The following RUFY2 variants were observed in gnomAD, a reference collection of about 807,000 sequenced individuals.
The protein encoded by RUFY2 is RUN and FYVE domain containing 2, also known as RUN and FYVE domain-containing protein 2.
In RUFY2, 49 loss-of-function variants were observed where a neutral mutation model predicts 94.4. The observed-to-expected ratio is 0.52, with a 90% confidence interval of 0.41 to 0.66. RUFY2 has a LOEUF of 0.66. Ranked by LOEUF, RUFY2 falls within the 30% of genes least tolerant of loss-of-function variation. RUFY2 has a pLI of 0.00. For missense variants in RUFY2, 541 were observed against 692.8 expected (o/e 0.78, Z 2.46); for synonymous variants, 255 against 235.7 (o/e 1.08, Z -0.75).
chr10:68,378,026 A>G (rs1346302132), intron 12 of RUFY2: 6 of 985,328 alleles, frequency 6.1e-6, no homozygotes, highest in Non-Finnish European at 7.2e-6. Flanking sequence ...TACAAAAAGG[A>G]AAATAGAAGT....
chr10:68,348,439 C>T (rs534538267), intron 16 of RUFY2, among the ~76,000 whole-genome samples: 65 of 151,668 alleles, frequency 4.3e-4, no homozygotes, highest in African/African-American at 1.4e-3. Flanking sequence ...ATTGCTTAAA[C>T]CCATATGTTC....
At chr10:68,371,449 G>A (rs2048273094) in intron 13 of RUFY2, among the ~76,000 whole-genome samples, 1 of 151,742 alleles carries the variant, frequency 6.6e-6, no homozygotes, top group Non-Finnish European at 1.5e-5. Flanking sequence ...AAAATTAGCT[G>A]GGCATGATGG....
rs950364166 is a variant in RUFY2 at position 68,345,551 on chromosome 10, A to ATG, written c.*215_*216dup. 12 of 490,194 alleles carry ATG rather than the reference A, an allele frequency of 2.4e-5. No homozygotes were observed. Among genetic ancestry groups the ATG allele is most frequent in the African/African-American group, 2.4e-4 (12 of 50,190 alleles). The allele number at this position is 490,194 out of a possible 1,614,324, so 30.4% of individuals were successfully genotyped here. A position where few individuals can be genotyped will look rare whatever the true frequency, so the allele number is the denominator to read the frequency against. On this transcript the variant is annotated 3_prime_UTR_variant, in exon 18 of 18. Coordinates refer to ENST00000602465, the MANE Select transcript of RUFY2 (RefSeq NM_001330103.2). ...GCTCTCTGGCCTTTTAATGAGTTAC[A>ATG]TGATTTTTAAGCATGCTCTGTTGAA...
At chr10:68,376,052 A>G (rs1194132217) in intron 13 of RUFY2, among the ~76,000 whole-genome samples, 1 of 145,764 alleles carries the variant, frequency 6.9e-6, no homozygotes, top group Non-Finnish European at 1.5e-5. Context: ...GTGAGCCACC[A>G]AGGTCGTGCC....
At chr10:68,357,578 G>GAAAATTTTTTCTTTAAAAAAAAAATTTCT (rs2047152451) in intron 15 of RUFY2, among the ~76,000 whole-genome samples, 1 of 151,944 alleles carries the variant, frequency 6.6e-6, no homozygotes, top group Non-Finnish European at 1.5e-5. Context: ...AAGAAAATGT[G>GAAAATTTTTTCTTTAAAAAAAAAATTTCT]TTAATGAAAA....
chr10:68,353,575 G>A (rs1191816061), intron 16 of RUFY2, among the ~76,000 whole-genome samples: 3 of 151,844 alleles, frequency 2.0e-5, no homozygotes, highest in Non-Finnish European at 4.4e-5. Context: ...CAAGACTGGA[G>A]GACTGCCCGA....
At chr10:68,374,970 G>A (rs1229208264) in intron 13 of RUFY2, among the ~76,000 whole-genome samples, 1 of 151,960 alleles carries the variant, frequency 6.6e-6, no homozygotes, top group African/African-American at 2.4e-5. Context: ...TGCATGCATG[G>A]TTTTAATTTT....
intron 16 of RUFY2, among the ~76,000 whole-genome samples, chr10:68,349,349 A>G (rs1296455439): frequency 1.3e-5 from 2 of 151,826 alleles, no homozygotes; most frequent in African/African-American, 2.4e-5. Context: ...GGCCCCCACC[A>G]TCTCTAAAAA....
chr10:68,381,112 C>CA (rs2049029469), intron 11 of RUFY2, 120 bp downstream of exon 11: 2 of 570,284 alleles, frequency 3.5e-6, no homozygotes, highest in Non-Finnish European at 5.7e-6. Context: ...AAAAAAAAGA[C>CA]ATTGGCCTTT....
rs781478997 is a variant in RUFY2, at chr10:68,376,959, C to T, written c.1219G>A (p.Glu407Lys). 6.2e-7 allele frequency: 1 copy of T among 1,613,572 alleles called. No individual in the cohort carries two copies. Among genetic ancestry groups the T allele is most frequent in the African/African-American group, 1.3e-5 (1 of 74,970 alleles). ...RQLEQRLQQA[E>K]KAQMEAEDED... is the part of the protein sequence containing the mutation. Reference sequence around the variant, plus strand: ...TCTTCAGCTTCCATTTGCGCCTTCTCTGCTTGCTGCAATCTGGTGTAATTC... The same window carrying T: ...TCTTCAGCTTCCATTTGCGCCTTCTTTGCTTGCTGCAATCTGGTGTAATTC... The change falls in exon 13 of 18, where the codon GAG (glutamate) becomes AAG (lysine). Residue 407 changes from glutamate to lysine, a missense_variant. Physicochemically the swap from Glu to Lys is moderately conservative, Grantham distance 56. Around this residue, in one of 3 missense-constraint regions of RUFY2, gnomAD observed 403 missense variants for 480.7 expected, o/e 0.84. Coordinates refer to ENST00000602465, the MANE Select transcript of RUFY2 (RefSeq NM_001330103.2).
Position 68,345,553 on chromosome 10 carries a change from G to A in RUFY2, c.*215C>T, listed in dbSNP as rs2046219584. ...TCTCTGGCCTTTTAATGAGTTACAT[G>A]ATTTTTAAGCATGCTCTGTTGAAAA... On this transcript the variant is annotated 3_prime_UTR_variant, in exon 18 of 18. Transcript: ENST00000602465. 4.1e-6 allele frequency: 2 copies of A among 489,836 alleles called. No homozygotes were observed. Among genetic ancestry groups the A allele is most frequent in the Non-Finnish European group, 7.1e-6 (2 of 281,290 alleles). The allele number at this position is 489,836 out of a possible 1,614,324, so 30.3% of individuals were successfully genotyped here.
chr10:68,370,836 T>TA (rs199870180), intron 13 of RUFY2, among the ~76,000 whole-genome samples: 34 of 146,208 alleles, frequency 2.3e-4, no homozygotes, highest in African/African-American at 2.2e-4. Context: ...GTGGGACTAC[T>TA]AAAAAAAAAA....
intron 15 of RUFY2, among the ~76,000 whole-genome samples, chr10:68,360,342 T>C (rs541869589): frequency 1.3e-5 from 2 of 152,022 alleles, no homozygotes; most frequent in Admixed American, 6.6e-5. Flanking sequence ...ACACCTGTAA[T>C]GTCAATATTT....
rs935991531 is a variant in RUFY2, at chr10:68,347,109, G to C, written c.1600-1025C>G. On this transcript the variant is annotated intron_variant, in intron 16 of 17. Transcript: ENST00000602465. Reference sequence around the variant, plus strand: ...TGCCACTGCACTCGAGCCTGAGCAAGAGTGAGACCCTGTCTCAAGAAAAAG... The same window carrying C: ...TGCCACTGCACTCGAGCCTGAGCAACAGTGAGACCCTGTCTCAAGAAAAAG... Among the ~76,000 whole-genome samples the C allele has an allele frequency of 1.7e-4, 26 of 151,928 alleles. No individual in the cohort carries two copies. The East Asian group carries it at 4.3e-3, about 25-fold the overall frequency.
At chr10:68,402,126 T>C (rs975092747) in intron 2 of RUFY2, among the ~76,000 whole-genome samples, 1 of 152,050 alleles carries the variant, frequency 6.6e-6, no homozygotes, top group African/African-American at 2.4e-5. Flanking sequence ...TAATGCCTTT[T>C]TTTTTTTTAG....
Position 68,357,469 on chromosome 10 carries a change from T to A in RUFY2, c.1551-2068A>T, listed in dbSNP as rs1440834623. Among the ~76,000 whole-genome samples the A allele has an allele frequency of 2.6e-5, 4 of 152,048 alleles. No homozygotes were observed. The East Asian group carries it at 7.8e-4, about 29-fold the overall frequency. On this transcript the variant is annotated intron_variant, in intron 15 of 17. Coordinates refer to ENST00000602465, the MANE Select transcript of RUFY2 (RefSeq NM_001330103.2). ...GTCTCAAACTCCTGACCTCAGGTGA[T>A]CCACCCGCCGCCTCGGCCTCCCAAA...
At chr10:68,380,991 C>T (rs1199359498) in intron 11 of RUFY2, among the ~76,000 whole-genome samples, 2 of 152,128 alleles carry the variant, frequency 1.3e-5, no homozygotes, top group Non-Finnish European at 2.9e-5. Flanking sequence ...TGAGAGTTTT[C>T]CCAAAAGATT....
chr10:68,391,245 T>C (rs115495184), intron 7 of RUFY2, among the ~76,000 whole-genome samples: 297 of 152,260 alleles, frequency 2.0e-3, no homozygotes, highest in African/African-American at 6.7e-3. Flanking sequence ...CCCTAATTTT[T>C]ATATTGATTG....
intron 10 of RUFY2, among the ~76,000 whole-genome samples, chr10:68,382,050 C>CTT (rs1195609174): frequency 8.6e-5 from 12 of 139,146 alleles, no homozygotes; most frequent in East Asian, 2.1e-4. Context: ...GTTTAATTTC[C>CTT]TTTTTTTTTT....
Sources: gnomAD v4.1 joint callset for allele counts (sites outside exome capture counted in the v4.1 genomes callset) on GRCh38, gnomAD v4.1.1 for gene constraint, gnomAD v4.1.1 regional missense constraint, MANE v1.5 for transcripts, NCBI Gene and HGNC (gene_info 2026-07-23, HGNC 2026-07-21) for gene names.